CNBD1: variants seen among roughly 807,000 people sequenced by gnomAD.
CNBD1 encodes cyclic nucleotide-binding domain-containing protein 1.
Under a neutral mutation model 54.4 loss-of-function variants are expected in CNBD1, and 71 were observed. The observed-to-expected ratio is 1.30, with a 90% CI of 1.08 to 1.59. The LOEUF (loss-of-function observed/expected upper bound fraction) is 1.59. Ranked by LOEUF, CNBD1 falls within the 40% of genes most tolerant of loss-of-function variation. CNBD1 has a pLI of 0.00. For synonymous variants in CNBD1, 182 were observed against 170.7 expected, an observed-to-expected ratio of 1.07 and a Z score of -0.51; for missense variants, 659 against 518.0, an observed-to-expected ratio of 1.27 and a Z score of -2.64.
intron 5 of CNBD1, among the ~76,000 whole-genome samples, chr8:87,216,412 C>T (rs1232045607): frequency 6.6e-6 from 1 of 152,150 alleles, no homozygotes; most frequent in Non-Finnish European, 1.5e-5. Context: ...TACACAACTT[C>T]AGAAATATAA....
chr8:87,095,343 A>G (rs1811295799), intron 4 of CNBD1, among the ~76,000 whole-genome samples: 2 of 152,238 alleles, frequency 1.3e-5, no homozygotes, highest in South Asian at 4.1e-4. Context: ...TTTATTAAAC[A>G]TACTAAATAG....
rs150768783 is a variant in CNBD1 at position 87,380,763 on chromosome 8, G to T, written c.1304-1857G>T. Among the ~76,000 whole-genome samples, 3 of 151,806 alleles carry T rather than the reference G, an allele frequency of 2.0e-5. No homozygotes were observed. The East Asian group carries it at 5.8e-4, about 29-fold the overall frequency. ...CTAAGTTTATTCTAAGTATTTTATT[G>T]TTTTTTAGGACTGTTGTAAATGGGG... On this transcript the variant is annotated intron_variant, in intron 10 of 10. Transcript: ENST00000518476.
intron 4 of CNBD1, among the ~76,000 whole-genome samples, chr8:87,041,361 C>G (rs533228557): frequency 3.3e-5 from 5 of 152,154 alleles, no homozygotes. Flanking sequence ...AAGGGAATAG[C>G]CAGTGTAAAA....
Position 86,925,688 on chromosome 8 carries a change from C to A in CNBD1, c.273-13908C>A, listed in dbSNP as rs550096767. 8.8e-5 allele frequency among the ~76,000 whole-genome samples: 13 copies of A among 148,288 alleles called. No individual in the cohort carries two copies. In the East Asian group the frequency reaches 1.0e-3, roughly 11 times the overall value. ...TCGAGGTCATGAGTTTGTGATCAGC[C>A]TTGCTAACATGGTGAAACACCCTCT... On this transcript the variant is annotated intron_variant, in intron 3 of 10. Transcript: ENST00000518476.
At chr8:87,366,671 A>G (rs1457878342) in intron 10 of CNBD1, among the ~76,000 whole-genome samples, 1 of 151,996 alleles carries the variant, frequency 6.6e-6, no homozygotes, top group Admixed American at 6.6e-5. Flanking sequence ...GCCACTTTAG[A>G]ACTCTGCTAC....
chr8:87,359,141 G>T (rs1810482009), intron 10 of CNBD1, among the ~76,000 whole-genome samples: 1 of 152,144 alleles, frequency 6.6e-6, no homozygotes, highest in African/African-American at 2.4e-5. Context: ...TCACTTAATA[G>T]AATCTCCTTT....
At chr8:87,042,789 T>A (rs1019034968) in intron 4 of CNBD1, among the ~76,000 whole-genome samples, 1 of 152,030 alleles carries the variant, frequency 6.6e-6, no homozygotes, top group African/African-American at 2.4e-5. Context: ...AAATATAATA[T>A]GTAAAATATG....
chr8:87,222,943 T>A (rs1586340682), intron 5 of CNBD1, among the ~76,000 whole-genome samples: 1 of 152,130 alleles, frequency 6.6e-6, no homozygotes, highest in East Asian at 1.9e-4. Flanking sequence ...TAAATACTTT[T>A]ATGAAACTTA....
At chr8:87,122,050 T>C (rs544357877) in intron 4 of CNBD1, among the ~76,000 whole-genome samples, 3 of 151,880 alleles carry the variant, frequency 2.0e-5, no homozygotes, top group Non-Finnish European at 4.4e-5. Flanking sequence ...ATCTCTTTAA[T>C]GTATTGATTT....
intron 4 of CNBD1, among the ~76,000 whole-genome samples, chr8:87,045,388 CT>C (rs1195547920): frequency 1.3e-5 from 2 of 152,126 alleles, no homozygotes; most frequent in African/African-American, 2.4e-5. Flanking sequence ...GTCAATGATT[CT>C]AATTTGATTC....
At chr8:87,142,900 C>T (rs901014840) in intron 4 of CNBD1, among the ~76,000 whole-genome samples, 1 of 4,384 alleles carries the variant, frequency 2.3e-4, no homozygotes, top group Non-Finnish European at 3.4e-4. Flanking sequence ...ATTCATTCAA[C>T]AAATGTTGAG....
At chr8:87,306,272 G>T (rs115402274) in intron 8 of CNBD1, among the ~76,000 whole-genome samples, 1,666 of 152,118 alleles carry the variant, frequency 0.011, 41 homozygotes, top group African/African-American at 0.038. Flanking sequence ...TGGTGTGGCT[G>T]CAGGGAACAC....
chr8:87,321,988 A>G (rs1372615689), intron 8 of CNBD1, among the ~76,000 whole-genome samples: 1 of 142,898 alleles, frequency 7.0e-6, no homozygotes, highest in East Asian at 2.1e-4. Context: ...AGAGTGTGAT[A>G]TTCCCCTTCA....
intron 4 of CNBD1, among the ~76,000 whole-genome samples, chr8:86,984,962 G>T (rs1213505953): frequency 6.6e-6 from 1 of 152,098 alleles, no homozygotes; most frequent in Non-Finnish European, 1.5e-5. Flanking sequence ...AGGGGTCGGG[G>T]TGGAATGACA....
chr8:87,026,462 AT>A lies in CNBD1; in HGVS notation c.431+86710del, dbSNP rs1809648484. 3.9e-5 allele frequency among the ~76,000 whole-genome samples: 6 copies of A among 151,944 alleles called. No homozygotes were observed. The South Asian group carries it at 1.2e-3, about 31-fold the overall frequency. On this transcript the variant is annotated intron_variant, in intron 4 of 10. Coordinates refer to ENST00000518476, the MANE Select transcript of CNBD1 (RefSeq NM_173538.3). The stretch of plus-strand genomic sequence containing the variant: ...TTTGAGGGAAAAATGTGATATTTCT[AT>A]TCTTAAAAAAAGTAGGTAAGCAAAA...
At chr8:87,408,988 G>A (rs1203869089) in intron 2 of CNBD1, among the ~76,000 whole-genome samples, 3 of 151,960 alleles carry the variant, frequency 2.0e-5, no homozygotes, top group Middle Eastern at 3.4e-3. Flanking sequence ...ATTCAAATTA[G>A]GCCAATTAAT....
chr8:86,967,039 T>C (rs1201789210), intron 4 of CNBD1, among the ~76,000 whole-genome samples: 1 of 152,138 alleles, frequency 6.6e-6, no homozygotes, highest in African/African-American at 2.4e-5. Context: ...GATTGGTGCA[T>C]TTACAATCCT....
At chr8:87,256,011 A>ATTTTTT (rs1563526133) in intron 6 of CNBD1, among the ~76,000 whole-genome samples, 2 of 19,258 alleles carry the variant, frequency 1.0e-4, no homozygotes, top group Admixed American at 1.1e-3. Context: ...ATATATATAT[A>ATTTTTT]TATATTTTTT....
intron 6 of CNBD1, among the ~76,000 whole-genome samples, chr8:87,279,868 C>A (rs772327729): frequency 1.3e-5 from 2 of 151,334 alleles, no homozygotes; most frequent in Admixed American, 1.3e-4. Flanking sequence ...AATAGGAAGC[C>A]ATGCTTAGCC....
Sources: gnomAD v4.1 joint callset for allele counts (sites outside exome capture counted in the v4.1 genomes callset) on GRCh38, gnomAD v4.1.1 for gene constraint, MANE v1.5 for transcripts, NCBI Gene and HGNC (gene_info 2026-07-23, HGNC 2026-07-21) for gene names.